Variants in GUCY1A2 observed in about 807,000 individuals in gnomAD.
The protein encoded by GUCY1A2 is guanylate cyclase soluble subunit alpha-2.
Under a neutral mutation model 63.5 loss-of-function variants are expected in GUCY1A2, and 27 were observed. The ratio of observed to expected loss-of-function variants is 0.43; its 90% CI spans 0.31 to 0.59. GUCY1A2 has a LOEUF of 0.59. GUCY1A2 is among the 20% of genes least tolerant of loss of function. The pLI, the probability that GUCY1A2 is intolerant of heterozygous loss-of-function variation, is 0.11. For missense variants in GUCY1A2, 768 were observed against 913.3 expected (o/e 0.84, Z 2.05); for synonymous variants, 364 against 343.5 (o/e 1.06, Z -0.66).
At chr11:106,960,500 C>G (rs1244673977) in intron 3 of GUCY1A2, among the ~76,000 whole-genome samples, 1 of 152,174 alleles carries the variant, frequency 6.6e-6, no homozygotes, top group Non-Finnish European at 1.5e-5. Context: ...CTGTACTTGG[C>G]TGAGTAAATC....
At chr11:106,935,715 T>TGCAC (rs1860666743) in intron 4 of GUCY1A2, among the ~76,000 whole-genome samples, 1 of 151,746 alleles carries the variant, frequency 6.6e-6, no homozygotes, top group South Asian at 2.1e-4. Context: ...GGTGTGGTAG[T>TGCAC]GCACACCTGT....
At chr11:106,897,976 G>C (rs1860074842) in intron 4 of GUCY1A2, among the ~76,000 whole-genome samples, 1 of 152,038 alleles carries the variant, frequency 6.6e-6, no homozygotes, top group African/African-American at 2.4e-5. Flanking sequence ...ATCCAAAATA[G>C]ACAAATAACC....
intron 5 of GUCY1A2, among the ~76,000 whole-genome samples, chr11:106,807,413 T>A (rs1452427728): frequency 2.0e-5 from 3 of 152,306 alleles, no homozygotes; most frequent in East Asian, 3.9e-4. Flanking sequence ...CCTAATGTAC[T>A]TTTTTTATCC....
intron 6 of GUCY1A2, among the ~76,000 whole-genome samples, chr11:106,771,133 C>T (rs1864247865): frequency 6.6e-6 from 1 of 152,082 alleles, no homozygotes; most frequent in South Asian, 2.1e-4. Flanking sequence ...CGTGAAAATG[C>T]TATTTGTCTT....
At chr11:106,731,207 CT>C (rs1283878423) in intron 6 of GUCY1A2, among the ~76,000 whole-genome samples, 7 of 152,046 alleles carry the variant, frequency 4.6e-5, no homozygotes, top group African/African-American at 1.4e-4. Flanking sequence ...GGTTATCCTC[CT>C]GAGTTTTTTA....
chr11:106,888,680 T>C (rs1380338769), intron 4 of GUCY1A2, among the ~76,000 whole-genome samples: 1 of 152,198 alleles, frequency 6.6e-6, no homozygotes, highest in African/African-American at 2.4e-5. Flanking sequence ...TCATCATTTC[T>C]GGTTGCTGAA....
At position 106,686,983 on chromosome 11, in the gene GUCY1A2, G is replaced by A. The variant is rs926856158; in HGVS notation, c.*566C>T. On this transcript the variant is annotated 3_prime_UTR_variant, in exon 8 of 8. Coordinates refer to ENST00000526355, the MANE Select transcript of GUCY1A2 (RefSeq NM_000855.3). ...CAGATTCTGAAAATCTAATAATGTT[G>A]TGCGAAATGTAGTTATCTAGAAGAG... 8.8e-5 allele frequency: 18 copies of A among 203,980 alleles called. 1 individual carries two copies. The highest frequency in any genetic ancestry group is 1.4e-4 in the Non-Finnish European group (14 of 99,600). 12.6% of individuals were successfully genotyped at this position (203,980 alleles called of 1,614,324 possible). A position where few individuals can be genotyped will look rare whatever the true frequency, so the allele number is the denominator to read the frequency against.
chr11:107,009,590 G>A (rs1262602955), intron 1 of GUCY1A2, among the ~76,000 whole-genome samples: 3 of 152,084 alleles, frequency 2.0e-5, no homozygotes, highest in Admixed American at 6.6e-5. Context: ...AAACATCCTC[G>A]GGAAAAACGG....
intron 5 of GUCY1A2, among the ~76,000 whole-genome samples, chr11:106,798,924 G>A (rs1864817611): frequency 6.6e-6 from 1 of 152,120 alleles, no homozygotes; most frequent in Non-Finnish European, 1.5e-5. Flanking sequence ...GGGCAATCAG[G>A]CAGGAGAGAG....
intron 4 of GUCY1A2, among the ~76,000 whole-genome samples, chr11:106,916,758 T>A (rs1860375396): frequency 6.9e-6 from 1 of 145,570 alleles, no homozygotes; most frequent in Non-Finnish European, 1.5e-5. Context: ...TCCAGATATA[T>A]CTTGATTACT....
At chr11:106,944,650 T>G (rs955520112) in intron 3 of GUCY1A2, among the ~76,000 whole-genome samples, 1 of 152,160 alleles carries the variant, frequency 6.6e-6, no homozygotes, top group Non-Finnish European at 1.5e-5. Context: ...AAAATAAAAT[T>G]TTTTAATCTG....
intron 3 of GUCY1A2, among the ~76,000 whole-genome samples, chr11:106,943,035 T>C (rs919477304): frequency 2.0e-5 from 3 of 152,300 alleles, no homozygotes; most frequent in African/African-American, 7.2e-5. Context: ...AATAAAGATT[T>C]TTATTCCCAG....
intron 2 of GUCY1A2, among the ~76,000 whole-genome samples, chr11:106,980,954 C>A: frequency 6.6e-6 from 1 of 152,114 alleles, no homozygotes; most frequent in East Asian, 1.9e-4. Flanking sequence ...TTCTCTCAAC[C>A]TCAATTTCCT....
chr11:106,933,798 G>C (rs1366935369), intron 4 of GUCY1A2, among the ~76,000 whole-genome samples: 1 of 152,166 alleles, frequency 6.6e-6, no homozygotes, highest in Non-Finnish European at 1.5e-5. Flanking sequence ...CAGCTATGCA[G>C]CCATAAAAAA....
At position 106,681,724 on chromosome 11, in the gene GUCY1A2, A is replaced by G. The variant is rs1862437490; in HGVS notation, c.*5825T>C. 1 of 219,976 alleles carries G rather than the reference A, an allele frequency of 4.5e-6. No homozygotes were observed. The highest frequency in any genetic ancestry group is 1.8e-4 in the South Asian group (1 of 5,436). The allele number at this position is 219,976 out of a possible 1,614,324, so 13.6% of individuals were successfully genotyped here. ...ACCAGCTATATTATTGCTTGTATAAAACATGTTTCTGTTTTCACAAAGGCT... is the reference window on the plus strand; with the variant it reads ...ACCAGCTATATTATTGCTTGTATAAGACATGTTTCTGTTTTCACAAAGGCT... On this transcript the variant is annotated 3_prime_UTR_variant, in exon 8 of 8. Coordinates refer to ENST00000526355, the MANE Select transcript of GUCY1A2 (RefSeq NM_000855.3).
At chr11:106,921,221 C>A (rs1267050028) in intron 4 of GUCY1A2, among the ~76,000 whole-genome samples, 1 of 151,972 alleles carries the variant, frequency 6.6e-6, no homozygotes, top group Non-Finnish European at 1.5e-5. Flanking sequence ...TCACTGAATT[C>A]AATTCCCATA....
intron 4 of GUCY1A2, among the ~76,000 whole-genome samples, chr11:106,885,608 G>A (rs984241840): frequency 1.3e-5 from 2 of 152,084 alleles, no homozygotes; most frequent in Admixed American, 6.6e-5. Context: ...AGGGGTCAGT[G>A]AATACCAGTC....
At chr11:107,015,237 T>A (rs1861803472) in intron 1 of GUCY1A2, among the ~76,000 whole-genome samples, 1 of 152,166 alleles carries the variant, frequency 6.6e-6, no homozygotes, top group African/African-American at 2.4e-5. Flanking sequence ...ACAGACCCTT[T>A]TCATAATAGA....
chr11:106,854,181 G>T lies in GUCY1A2; in HGVS notation c.1207-43703C>A, dbSNP rs553615188. 2.0e-5 allele frequency among the ~76,000 whole-genome samples: 3 copies of T among 152,362 alleles called. No homozygotes were observed. In the East Asian group the frequency reaches 5.8e-4, roughly 29 times the overall value. The stretch of plus-strand genomic sequence containing the variant: ...GCTGAGGAGGGCCAGGTTGGCATGT[G>T]TTTGGGCCCCTGGACAGTGTGCATA... On this transcript the variant is annotated intron_variant, in intron 4 of 7. Transcript: ENST00000526355.
Sources: allele counts gnomAD v4.1 joint callset (sites outside exome capture counted in the v4.1 genomes callset), GRCh38; gene constraint gnomAD v4.1.1; transcripts MANE v1.5; gene names NCBI Gene and HGNC (gene_info 2026-07-23, HGNC 2026-07-21).